The following RNF220 variants were observed in gnomAD, a reference collection of about 807,000 sequenced individuals.
The protein encoded by RNF220 is E3 ubiquitin-protein ligase RNF220.
Under a neutral mutation model 67.1 loss-of-function variants are expected in RNF220, and 7 were observed. The observed-to-expected ratio is 0.10, with a 90% confidence interval of 0.06 to 0.20. The LOEUF (loss-of-function observed/expected upper bound fraction) is 0.20. Ranked by LOEUF, RNF220 falls within the 10% of genes least tolerant of loss-of-function variation. RNF220 has a pLI of 1.00. For missense variants in RNF220, 565 were observed against 740.3 expected (o/e 0.76, Z 2.75); for synonymous variants, 270 against 283.2 (o/e 0.95, Z 0.47).
intron 2 of RNF220, among the ~76,000 whole-genome samples, chr1:44,458,336 G>GTT (rs57080249): frequency 2.1e-4 from 30 of 141,192 alleles, no homozygotes; most frequent in Middle Eastern, 3.6e-3. Flanking sequence ...GATTTTTCCA[G>GTT]TTTTTTTTTT....
At chr1:44,424,262 C>G (rs1231281000) in intron 2 of RNF220, among the ~76,000 whole-genome samples, 3 of 152,118 alleles carry the variant, frequency 2.0e-5, no homozygotes, top group African/African-American at 7.2e-5. Context: ...AGAATGTGAT[C>G]TAAGGACTGC....
chr1:44,486,051 T>A (rs1656270301), intron 2 of RNF220, among the ~76,000 whole-genome samples: 1 of 152,234 alleles, frequency 6.6e-6, no homozygotes, highest in Non-Finnish European at 1.5e-5. Flanking sequence ...TTTACTTTTT[T>A]ATTTTTTTGT....
chr1:44,477,091 T>A (rs762078143), intron 2 of RNF220, among the ~76,000 whole-genome samples: 1 of 152,216 alleles, frequency 6.6e-6, no homozygotes, highest in Non-Finnish European at 1.5e-5. Context: ...GAAATTGAAT[T>A]ACATTTTCTA....
chr1:44,481,495 A>T (rs988848210), intron 2 of RNF220, among the ~76,000 whole-genome samples: 1 of 152,136 alleles, frequency 6.6e-6, no homozygotes, highest in African/African-American at 2.4e-5. Flanking sequence ...ATGAGAACAC[A>T]TAGACCCAGA....
At chr1:44,486,856 G>A (rs1400829144) in intron 2 of RNF220, among the ~76,000 whole-genome samples, 2 of 152,072 alleles carry the variant, frequency 1.3e-5, no homozygotes, top group Non-Finnish European at 2.9e-5. Context: ...AAATGAAATT[G>A]GCAATAATAT....
Position 44,649,603 on chromosome 1 carries a change from C to CTG in RNF220, c.1446-57_1446-56dup, listed in dbSNP as rs746316025. On this transcript the variant is annotated intron_variant, in intron 12 of 14. Transcript: ENST00000361799. This position sits in a 1 kb window ranked among gnomAD's most constrained non-coding sequence, Gnocchi z 5.9. ...TTCTGGAATTCAAGGGAGGCGTAGGCTGGAGGTACAGATGAGAGATGCCAG... is the reference window on the plus strand; with the variant it reads ...TTCTGGAATTCAAGGGAGGCGTAGGCTGTGGAGGTACAGATGAGAGATGCCAG... 2.9e-5 allele frequency: 44 copies of CTG among 1,498,088 alleles called. No individual in the cohort carries two copies. Among genetic ancestry groups the CTG allele is most frequent in the Non-Finnish European group, 3.9e-5 (42 of 1,075,428 alleles). 92.8% of individuals were successfully genotyped at this position (1,498,088 alleles called of 1,614,324 possible). A position where few individuals can be genotyped will look rare whatever the true frequency, so the allele number is the denominator to read the frequency against.
intron 2 of RNF220, among the ~76,000 whole-genome samples, chr1:44,448,040 T>C (rs889346221): frequency 1.3e-5 from 2 of 152,234 alleles, no homozygotes; most frequent in African/African-American, 4.8e-5. Context: ...GTGTCACGCC[T>C]GTAATCCCAG....
At chr1:44,490,849 A>G (rs1379821804) in intron 2 of RNF220, among the ~76,000 whole-genome samples, 1 of 152,138 alleles carries the variant, frequency 6.6e-6, no homozygotes, top group Non-Finnish European at 1.5e-5. Flanking sequence ...GCTAGAATGA[A>G]TAAGAACAAG....
intron 2 of RNF220, among the ~76,000 whole-genome samples, chr1:44,459,747 A>G (rs1029563263): frequency 1.3e-5 from 2 of 152,178 alleles, no homozygotes; most frequent in African/African-American, 2.4e-5. Context: ...GAATATCCAC[A>G]TGCAAGGAAG....
chr1:44,505,886 C>T (rs981985254), intron 2 of RNF220, among the ~76,000 whole-genome samples: 3 of 152,042 alleles, frequency 2.0e-5, no homozygotes, highest in Non-Finnish European at 2.9e-5. Flanking sequence ...CAATCCTCTC[C>T]GCTCCCCTCC....
At chr1:44,543,842 C>A (rs1426195145) in intron 2 of RNF220, among the ~76,000 whole-genome samples, 1 of 152,146 alleles carries the variant, frequency 6.6e-6, no homozygotes, top group Non-Finnish European at 1.5e-5. Context: ...ATGGAAAAAC[C>A]AAAAGGTCAA....
At chr1:44,454,710 C>T (rs1027487225) in intron 2 of RNF220, among the ~76,000 whole-genome samples, 1 of 151,262 alleles carries the variant, frequency 6.6e-6, no homozygotes, top group African/African-American at 2.4e-5. Context: ...AGTAAAAACC[C>T]TTTACAGTGT....
At chr1:44,479,861 A>G (rs1404210477) in intron 2 of RNF220, among the ~76,000 whole-genome samples, 1 of 152,210 alleles carries the variant, frequency 6.6e-6, no homozygotes, top group African/African-American at 2.4e-5. Flanking sequence ...AATACAGCTA[A>G]AAGCAGCCAG....
At chr1:44,533,068 T>A (rs1572795794) in intron 2 of RNF220, among the ~76,000 whole-genome samples, 1 of 152,232 alleles carries the variant, frequency 6.6e-6, no homozygotes, top group African/African-American at 2.4e-5. Context: ...GGACTTCCAA[T>A]GTCACAGACA....
In RNF220 at chr1:44,563,385, A is replaced by G. The variant is rs994154295; in HGVS notation, c.626-50780A>G. Among the ~76,000 whole-genome samples the G allele has an allele frequency of 3.9e-5, 6 of 152,192 alleles. No individual in the cohort carries two copies. The East Asian group carries it at 9.6e-4, about 24-fold the overall frequency. On this transcript the variant is annotated intron_variant, in intron 2 of 14. Coordinates refer to ENST00000361799, the MANE Select transcript of RNF220 (RefSeq NM_018150.4). ...TCTGGTAGAAAGGGGCTTCATCCAC[A>G]GCAGCTGAGGACTTCAGGGGGCCCC...
At chr1:44,587,170 C>T (rs112493498) in intron 2 of RNF220, among the ~76,000 whole-genome samples, 2,751 of 122,284 alleles carry the variant, frequency 0.022, 117 homozygotes, top group African/African-American at 0.087. Flanking sequence ...TTTTTTGAGA[C>T]GGAGTCTTGT....
At chr1:44,511,916 C>CGTGTGTGTGCGT (rs1553234671) in intron 2 of RNF220, among the ~76,000 whole-genome samples, 1 of 147,706 alleles carries the variant, frequency 6.8e-6, no homozygotes, top group Admixed American at 6.7e-5. Flanking sequence ...CGTGTGTGTG[C>CGTGTGTGTGCGT]GTGTGTGTGT....
chr1:44,457,539 G>A lies in RNF220; in HGVS notation c.625+44817G>A, dbSNP rs560478656. ...CTTTACAATAAGATGGTAAAGGTAG[G>A]CGGGATACTACTTATAACCTTGGAT... On this transcript the variant is annotated intron_variant, in intron 2 of 14. Transcript: ENST00000361799. Among the ~76,000 whole-genome samples, 4 of 150,252 alleles carry A rather than the reference G, an allele frequency of 2.7e-5. No individual in the cohort carries two copies. The South Asian group carries it at 8.5e-4, about 32-fold the overall frequency.
intron 2 of RNF220, among the ~76,000 whole-genome samples, chr1:44,591,043 C>T (rs560880603): frequency 1.3e-5 from 2 of 152,246 alleles, no homozygotes; most frequent in Admixed American, 1.3e-4. Flanking sequence ...CTCACTGCAA[C>T]CTCCGCCTCC....
Sources: allele counts gnomAD v4.1 joint callset (sites outside exome capture counted in the v4.1 genomes callset), GRCh38; gene constraint gnomAD v4.1.1; non-coding constraint Gnocchi (gnomAD v3.1); transcripts MANE v1.5; gene names NCBI Gene and HGNC (gene_info 2026-07-23, HGNC 2026-07-21).